CRMP1: variants seen among roughly 807,000 people sequenced by gnomAD.
CRMP1 encodes dihydropyrimidinase-related protein 1.
Under a neutral mutation model 68.3 loss-of-function variants are expected in CRMP1, and 19 were observed. That is an observed-to-expected ratio of 0.28 (90% confidence interval 0.19 to 0.41). The LOEUF is 0.41. CRMP1 is among the 10% of genes least tolerant of loss of function. The pLI is 1.00. For synonymous variants in CRMP1, 439 were observed against 399.6 expected, an observed-to-expected ratio of 1.10 and a Z score of -1.18; for missense variants, 791 against 967.4, an observed-to-expected ratio of 0.82 and a Z score of 2.42.
chr4:5,851,786 CAAGGAGGAAGAGGAA>C (rs1712646395), intron 4 of CRMP1, among the ~76,000 whole-genome samples: 2 of 120,844 alleles, frequency 1.7e-5, no homozygotes, highest in East Asian at 2.4e-4. Flanking sequence ...AGAAAGAGGA[CAAGGAGGAAGAGGAA>C]GAGGAGGAAA....
At chr4:5,827,689 CACATGCACACATGACACGCATAG>C (rs1306118735) in intron 12 of CRMP1, among the ~76,000 whole-genome samples, 1 of 151,708 alleles carries the variant, frequency 6.6e-6, no homozygotes, top group Admixed American at 6.5e-5. Flanking sequence ...CATGCATGTA[CACATGCACACATGACACGCATAG>C]ACATACACAC....
intron 2 of CRMP1, among the ~76,000 whole-genome samples, chr4:5,864,384 G>A (rs1713826763): frequency 6.6e-6 from 1 of 152,170 alleles, no homozygotes; most frequent in Admixed American, 6.5e-5. Context: ...AGCCATGGTT[G>A]AGTTAGAAAA....
rs114640325 is a variant in CRMP1, at chr4:5,832,066, C to G, written c.1624-3398G>C. Among the ~76,000 whole-genome samples, 746 of 152,282 alleles carry G rather than the reference C, an allele frequency of 4.9e-3. 4 individuals carry two copies. Among genetic ancestry groups the G allele is most frequent in the African/African-American group, 0.017 (688 of 41,556 alleles). ...CAAAAATATGATGCTAAGTAGAAGC[C>G]AGACATAAAAGGCCACATATTGGAT... On this transcript the variant is annotated intron_variant, in intron 11 of 13. Coordinates refer to ENST00000324989, the MANE Select transcript of CRMP1 (RefSeq NM_001014809.3).
At chr4:5,830,857 A>G (rs1460305143) in intron 11 of CRMP1, among the ~76,000 whole-genome samples, 1 of 152,192 alleles carries the variant, frequency 6.6e-6, no homozygotes, top group Admixed American at 6.5e-5. Flanking sequence ...GATCACATCA[A>G]GTTTATAGAT....
In CRMP1 at chr4:5,883,504, T is replaced by A. The variant is rs781745026; in HGVS notation, c.381+9085A>T. 2.0e-4 allele frequency among the ~76,000 whole-genome samples: 31 copies of A among 152,266 alleles called. No individual in the cohort carries two copies. Among genetic ancestry groups the A allele is most frequent in the South Asian group, 4.2e-4 (2 of 4,814 alleles). On this transcript the variant is annotated intron_variant, in intron 1 of 13. Transcript: ENST00000324989. The surrounding 1 kb of genome is among the most constrained non-coding windows in gnomAD (Gnocchi z 4.5). ...TTAGTAGAGACAGGGTTTCACCATG[T>A]TGGCCAGGCTGGTCTCAAACTCTTG...
In CRMP1 at chr4:5,841,970, C is replaced by T. The variant is rs1476318137; in HGVS notation, c.1033-542G>A. Among the ~76,000 whole-genome samples the T allele has an allele frequency of 2.6e-5, 4 of 152,194 alleles. No homozygotes were observed. Among genetic ancestry groups the T allele is most frequent in the Admixed American group, 6.5e-5 (1 of 15,280 alleles). ...CCAAGACGGATGGATCACTTGAGGT[C>T]GGAAGTTTCAGACCAGACTGGCCAC... On this transcript the variant is annotated intron_variant, in intron 7 of 13. Transcript: ENST00000324989. This position sits in a 1 kb window ranked among gnomAD's most constrained non-coding sequence, Gnocchi z 6.9.
At position 5,853,291 on chromosome 4, in the gene CRMP1, T is replaced by C. The variant is rs748873815; in HGVS notation, c.821-1822A>G. Among the ~76,000 whole-genome samples the C allele has an allele frequency of 3.3e-5, 5 of 152,124 alleles. No individual in the cohort carries two copies. The highest frequency in any genetic ancestry group is 7.4e-5 in the Non-Finnish European group (5 of 68,022). ...AGCCGGGTGTGGTGGCAGGTGCCTG[T>C]AATCCAAGCTACTTGGGAGGCTGAG... On this transcript the variant is annotated intron_variant, in intron 4 of 13. Transcript: ENST00000324989. The surrounding 1 kb of genome is among the most constrained non-coding windows in gnomAD (Gnocchi z 4.7).
At position 5,849,364 on chromosome 4, in the gene CRMP1, A is replaced by G. The variant is rs780386986; in HGVS notation, c.963+28T>C. On this transcript the variant is annotated intron_variant, in intron 6 of 13. Transcript: ENST00000324989. Reference sequence around the variant, plus strand: ...GCAACAAGGAGAATCAGACTGAGGTAGAAGGAGTGGAAATTCTTGCCACTC... The same window carrying G: ...GCAACAAGGAGAATCAGACTGAGGTGGAAGGAGTGGAAATTCTTGCCACTC... 3 of 1,561,612 alleles carry G rather than the reference A, an allele frequency of 1.9e-6. No homozygotes were observed. The South Asian group carries it at 3.3e-5, about 17-fold the overall frequency.
chr4:5,890,844 G>C lies in CRMP1; in HGVS notation c.381+1745C>G, dbSNP rs1231002297. Reference sequence around the variant, plus strand: ...GAGGAACTCTCCTTGGGACAGCTACGGGCCGTGCACAAAGCGCCCTCGCCT... The same window carrying C: ...GAGGAACTCTCCTTGGGACAGCTACCGGCCGTGCACAAAGCGCCCTCGCCT... On this transcript the variant is annotated intron_variant, in intron 1 of 13. Coordinates refer to ENST00000324989, the MANE Select transcript of CRMP1 (RefSeq NM_001014809.3). This position sits in a 1 kb window ranked among gnomAD's most constrained non-coding sequence, Gnocchi z 5.5. 1.3e-5 allele frequency among the ~76,000 whole-genome samples: 2 copies of C among 152,058 alleles called. No individual in the cohort carries two copies. The highest frequency in any genetic ancestry group is 2.9e-5 in the Non-Finnish European group (2 of 67,988).
intron 8 of CRMP1, 126 bp from the exon 9 acceptor site, chr4:5,839,804 G>A (rs945929586): frequency 2.4e-5 from 27 of 1,115,014 alleles, no homozygotes; most frequent in Middle Eastern, 2.6e-4. Flanking sequence ...ACTGGCCACC[G>A]TTCTTGCAGG....
chr4:5,826,538 G>C (rs1020895390), intron 12 of CRMP1: 1 of 152,204 alleles, frequency 6.6e-6, no homozygotes, highest in Non-Finnish European at 1.5e-5. Context: ...AAAGGGTTGT[G>C]GGGGCAGAGA....
chr4:5,873,431 G>A (rs1714599801), intron 1 of CRMP1, among the ~76,000 whole-genome samples: 1 of 152,092 alleles, frequency 6.6e-6, no homozygotes, highest in Admixed American at 6.5e-5. Flanking sequence ...GATTCTGCAG[G>A]CTGTACAGGA....
At position 5,834,399 on chromosome 4, in the gene CRMP1, G is replaced by C. The variant is rs971377320; in HGVS notation, c.1623+1516C>G. Among the ~76,000 whole-genome samples, 3 of 152,184 alleles carry C rather than the reference G, an allele frequency of 2.0e-5. No individual in the cohort carries two copies. Among genetic ancestry groups the C allele is most frequent in the African/African-American group, 7.2e-5 (3 of 41,452 alleles). ...TTGTGAGACTGGGCTTGTTATAAAA[G>C]CAAATTCAGCGTCCTCTTGATACTT... On this transcript the variant is annotated intron_variant, in intron 11 of 13. Transcript: ENST00000324989. The surrounding 1 kb of genome is among the most constrained non-coding windows in gnomAD (Gnocchi z 4.3).
intron 9 of CRMP1, among the ~76,000 whole-genome samples, chr4:5,839,123 T>A (rs1195374319): frequency 1.3e-5 from 2 of 152,220 alleles, no homozygotes. Flanking sequence ...TAGGCAGCTC[T>A]GCCACAGGTA....
In CRMP1 at chr4:5,851,525, C is replaced by A. The variant is rs78054147; in HGVS notation, c.821-56G>T. On this transcript the variant is annotated intron_variant, in intron 4 of 13. Coordinates refer to ENST00000324989, the MANE Select transcript of CRMP1 (RefSeq NM_001014809.3). ...TGTTTAAGAAAAAACAGAAGCATGT[C>A]TTTCCAATAAATCAATGACCACAGA... is the stretch of plus-strand genomic sequence containing the variant. 810 of 1,535,540 alleles carry A rather than the reference C, an allele frequency of 5.3e-4. 2 individuals carry two copies. The African/African-American group carries it at 7.2e-3, about 14-fold the overall frequency.
At chr4:5,824,357 C>G in intron 13 of CRMP1, 1 of 985,376 alleles carries the variant, frequency 1.0e-6, no homozygotes, top group Non-Finnish European at 1.2e-6. Context: ...CCATCAAAGT[C>G]TTATGGAGAG....
chr4:5,868,302 T>TATATATATATAC (rs1408017840), intron 1 of CRMP1, among the ~76,000 whole-genome samples: 1 of 126,876 alleles, frequency 7.9e-6, no homozygotes, highest in African/African-American at 3.0e-5. Flanking sequence ...TATATATATA[T>TATATATATATAC]ACATAATTTT....
At chr4:5,882,063 T>A (rs1305037776) in intron 1 of CRMP1, among the ~76,000 whole-genome samples, 1 of 152,328 alleles carries the variant, frequency 6.6e-6, no homozygotes, top group East Asian at 1.9e-4. Flanking sequence ...CACCTCATTA[T>A]CAGCTTCCAC....
intron 6 of CRMP1, among the ~76,000 whole-genome samples, chr4:5,846,039 T>C (rs13131031): frequency 0.34 from 51,830 of 152,074 alleles, 11,275 homozygotes; most frequent in East Asian, 0.7. Context: ...CTCACACCTG[T>C]AATCCCAGCA....
Sources: gnomAD v4.1 joint callset for allele counts (sites outside exome capture counted in the v4.1 genomes callset) on GRCh38, gnomAD v4.1.1 for gene constraint, Gnocchi (gnomAD v3.1) non-coding constraint, MANE v1.5 for transcripts, NCBI Gene and HGNC (gene_info 2026-07-23, HGNC 2026-07-21) for gene names.